YRDC: variants seen among roughly 807,000 people sequenced by gnomAD.
The protein encoded by YRDC is yrdC N6-threonylcarbamoyltransferase domain containing.
A neutral mutation model predicts 21.5 loss-of-function variants in YRDC; 17 were observed. The ratio of observed to expected loss-of-function variants is 0.79; its 90% CI spans 0.54 to 1.19. The LOEUF (loss-of-function observed/expected upper bound fraction) is 1.19, where lower values mean the gene tolerates loss of function less well. Among genes scored for constraint, YRDC ranks in the 50% most tolerant of loss-of-function variants. The pLI is 0.00. For synonymous variants in YRDC, 193 were observed against 176.7 expected, an observed-to-expected ratio of 1.09 and a Z score of -0.73; for missense variants, 380 against 397.1, an observed-to-expected ratio of 0.96 and a Z score of 0.37.
Position 37,804,286 on chromosome 1 carries a change from C to A in YRDC, c.767+16G>T, listed in dbSNP as rs541063284. ...TCCCTCAAATTATTTCCCCACACCA[C>A]AGGAAAGAGACTTACCAGCCTGGAC... On this transcript the variant is annotated intron_variant, in intron 4 of 4. Transcript: ENST00000373044. The A allele has an allele frequency of 6.2e-7, 1 of 1,609,376 alleles. No homozygotes were observed. The highest frequency in any genetic ancestry group is 1.3e-5 in the African/African-American group (1 of 74,874).
chr1:37,807,659 A>C, intron 1 of YRDC, 133 bp downstream of exon 1: 1 of 1,340,362 alleles, frequency 7.5e-7, no homozygotes, highest in Non-Finnish European at 9.6e-7. Flanking sequence ...CTCGGTACAT[A>C]TTTCCAGTTC....
At chr1:37,807,263 G>A (rs750731975) in intron 1 of YRDC, 48 bp from the exon 2 acceptor site, 1 of 1,550,276 alleles carries the variant, frequency 6.5e-7, no homozygotes, top group African/African-American at 1.4e-5. Flanking sequence ...AGGGCCACTG[G>A]TGGTCCTTTC....
chr1:37,806,759 C>G (rs978493014), intron 3 of YRDC, 98 bp downstream of exon 3: 2 of 1,564,544 alleles, frequency 1.3e-6, no homozygotes, highest in Non-Finnish European at 1.7e-6. Context: ...CAAGAACTCT[C>G]ATGCCTGGCC....
At chr1:37,806,247 C>G (rs960203918) in intron 3 of YRDC, among the ~76,000 whole-genome samples, 1 of 151,842 alleles carries the variant, frequency 6.6e-6, no homozygotes, top group Non-Finnish European at 1.5e-5. Context: ...AGAGCCCTGC[C>G]TGGAGTACAG....
Position 37,803,248 on chromosome 1 carries a change from C to T in YRDC, c.*677G>A, listed in dbSNP as rs1396382336. On this transcript the variant is annotated 3_prime_UTR_variant, in exon 5 of 5. Transcript: ENST00000373044. ...TACACCAAAAAGACTGCTCTCCCTG[C>T]GAGCAATTACAATACATGACACCAC... The T allele has an allele frequency of 6.6e-6, 1 of 152,214 alleles. No individual in the cohort carries two copies. Among genetic ancestry groups the T allele is most frequent in the African/African-American group, 2.4e-5 (1 of 41,436 alleles). 9.4% of individuals were successfully genotyped at this position (152,214 alleles called of 1,614,324 possible).
In YRDC at chr1:37,808,052, G is replaced by A. The variant is rs902782962; in HGVS notation, c.129C>T (p.Pro43=). Residue 43 remains proline (P), a synonymous_variant, in exon 1 of 5, where the codon CCC becomes CCT. Transcript: ENST00000373044. ...CCGGGAGCCGCAACAGCCGGGCGCC[G>A]GGGGCCGCCGGAGCGGGACTCGGCG... ...FRPPSPAPAA[P]GARLLRLPGS... The A allele has an allele frequency of 1.4e-5, 19 of 1,316,440 alleles. No individual in the cohort carries two copies. The highest frequency in any genetic ancestry group is 1.7e-5 in the Non-Finnish European group (18 of 1,037,386). 81.5% of individuals were successfully genotyped at this position (1,316,440 alleles called of 1,614,324 possible).
rs772276972 is a variant in YRDC, at chr1:37,804,019, T to TA, written c.768-23dup. The TA allele has an allele frequency of 3.7e-6, 6 of 1,613,894 alleles. 1 individual carries two copies. In the South Asian group the frequency reaches 6.6e-5, roughly 18 times the overall value. On this transcript the variant is annotated intron_variant, in intron 4 of 4. Transcript: ENST00000373044. Reference sequence around the variant, plus strand: ...GGCACTGAGGAGGAAACAGGACAGTTACCAGTCTGACTTCTCAGAAGTCCC... The same window carrying TA: ...GGCACTGAGGAGGAAACAGGACAGTTAACCAGTCTGACTTCTCAGAAGTCCC...
At chr1:37,804,602 A>C (rs1291008509) in intron 3 of YRDC, among the ~76,000 whole-genome samples, 158 bp from the exon 4 acceptor site, 2 of 152,232 alleles carry the variant, frequency 1.3e-5, no homozygotes, top group Non-Finnish European at 2.9e-5. Flanking sequence ...AACTGTGCCA[A>C]AGACACTGTA....
Position 37,804,403 on chromosome 1 carries a change from A to G in YRDC, c.666T>C (p.Asp222=). 1.9e-6 allele frequency: 3 copies of G among 1,614,122 alleles called. No individual in the cohort carries two copies. Among genetic ancestry groups the G allele is most frequent in the Non-Finnish European group, 2.5e-6 (3 of 1,179,970 alleles). Residue 222 remains aspartate, a synonymous_variant, in exon 4 of 5, where the codon GAT becomes GAC. Transcript: ENST00000373044. ...DLWPQLSLVI[D]GGQIGDGQSP... The stretch of plus-strand genomic sequence containing the variant: ...TCTGGCCATCCCCAATTTGTCCCCC[A>G]TCAATAACCAAGGACAACTGAGGCC...
rs777594369 is a variant in YRDC, at chr1:37,807,291, G to T, written c.390-76C>A. On this transcript the variant is annotated intron_variant, in intron 1 of 4. Coordinates refer to ENST00000373044, the MANE Select transcript of YRDC (RefSeq NM_024640.4). ...GTCCTTTCCTAGACTCTAGGCAGAC[G>T]TAGAAAAGGAATCCTTCGAGTTTAC... 5 of 1,341,966 alleles carry T rather than the reference G, an allele frequency of 3.7e-6. No homozygotes were observed. The African/African-American group carries it at 7.3e-5, about 19-fold the overall frequency. 83.1% of individuals were successfully genotyped at this position (1,341,966 alleles called of 1,614,324 possible).
intron 1 of YRDC, 196 bp downstream of exon 1, chr1:37,807,596 T>C (rs1207404735): frequency 2.9e-6 from 3 of 1,047,420 alleles, no homozygotes; most frequent in African/African-American, 1.6e-5. Context: ...GCCTTTCTCG[T>C]GTGTTGCTGC....
chr1:37,803,929 A>C lies in YRDC; in HGVS notation c.836T>G (p.Leu279Arg), dbSNP rs1646717887. The part of the protein sequence containing the change: ...YGLLPSHASY[L>R] ...GCCTTCCTGCTTCCCAGAGTTTCACAGGTAGGACGCATGTGAGGGGAGCAG... is the reference window on the plus strand; with the variant it reads ...GCCTTCCTGCTTCCCAGAGTTTCACCGGTAGGACGCATGTGAGGGGAGCAG... Residue 279 changes from leucine (L) to arginine (R), a missense_variant, in exon 5 of 5, where the codon CTG becomes CGG. Leu to Arg is a moderately radical substitution (Grantham distance 102). Coordinates refer to ENST00000373044, the MANE Select transcript of YRDC (RefSeq NM_024640.4). 6.2e-7 allele frequency: 1 copy of C among 1,614,092 alleles called. No individual in the cohort carries two copies. The highest frequency in any genetic ancestry group is 1.3e-5 in the African/African-American group (1 of 75,034).
Position 37,804,438 on chromosome 1 carries a change from G to C in YRDC, c.631C>G (p.Gln211Glu). The change falls in exon 4 of 5, where the codon CAG becomes GAG. Residue 211 changes from glutamine to glutamate, a missense_variant. Gln to Glu is a conservative substitution (Grantham distance 29). Transcript: ENST00000373044. Reference sequence around the variant, plus strand: ...AAGGACAACTGAGGCCAGAGATCCTGGAACTCCTGAGAAGAGGGAGAAGGA... The same window carrying C: ...AAGGACAACTGAGGCCAGAGATCCTCGAACTCCTGAGAAGAGGGAGAAGGA... ...QASSLNVEEF[Q>E]DLWPQLSLVI... is the part of the protein sequence containing the mutation. 2 of 1,612,294 alleles carry C rather than the reference G, an allele frequency of 1.2e-6. No individual in the cohort carries two copies. The highest frequency in any genetic ancestry group is 1.7e-6 in the Non-Finnish European group (2 of 1,178,660).
In YRDC at chr1:37,808,156, C is replaced by A; in HGVS notation, c.25G>T (p.Gly9Trp). The A allele has an allele frequency of 1.4e-6, 2 of 1,466,352 alleles. No individual in the cohort carries two copies. The highest frequency in any genetic ancestry group is 1.8e-6 in the Non-Finnish European group (2 of 1,114,930). The allele number at this position is 1,466,352 out of a possible 1,614,324, so 90.8% of individuals were successfully genotyped here. A position where few individuals can be genotyped will look rare whatever the true frequency, so the allele number is the denominator to read the frequency against. MSPARRCR[G>W]MRAAVAASVG... ...CTGGCAGCCACCGCGGCCCTCATCC[C>A]CCTGCACCGACGCGCCGGAGACATC... The change falls in exon 1 of 5, where the codon GGG (glycine) becomes TGG (tryptophan). Residue 9 changes from glycine to tryptophan, a missense_variant. Physicochemically the swap from Gly to Trp is radical, Grantham distance 184. This residue lies in a region of YRDC where 91 missense variants were observed against 64.7 expected (regional missense o/e 1.41). Coordinates refer to ENST00000373044, the MANE Select transcript of YRDC (RefSeq NM_024640.4).
chr1:37,804,076 C>A, intron 4 of YRDC, 79 bp from the exon 5 acceptor site: 2 of 1,558,022 alleles, frequency 1.3e-6, no homozygotes, highest in South Asian at 1.1e-5. Flanking sequence ...GCAGGGACAT[C>A]GAAACTGGCT....
chr1:37,807,546 T>A, intron 1 of YRDC: 3 of 733,348 alleles, frequency 4.1e-6, no homozygotes, highest in Non-Finnish European at 6.3e-6. Context: ...CCCGGGGGCC[T>A]CCCCAATTAG....
rs956536187 is a variant in YRDC, at chr1:37,803,712, G to A, written c.*213C>T. On this transcript the variant is annotated 3_prime_UTR_variant, in exon 5 of 5. Coordinates refer to ENST00000373044, the MANE Select transcript of YRDC (RefSeq NM_024640.4). ...TCCATTCAGCTTTTGGCTGATATAT[G>A]AAAATACAAATAAATACATCCTTTC... 6 of 517,792 alleles carry A rather than the reference G, an allele frequency of 1.2e-5. No individual in the cohort carries two copies. The highest frequency in any genetic ancestry group is 2.0e-5 in the Non-Finnish European group (6 of 294,642). The allele number at this position is 517,792 out of a possible 1,614,324, so 32.1% of individuals were successfully genotyped here.
chr1:37,807,742 A>C (rs1569827471), intron 1 of YRDC, 50 bp downstream of exon 1: 2 of 1,416,920 alleles, frequency 1.4e-6, no homozygotes, highest in Non-Finnish European at 1.8e-6. Flanking sequence ...GTCACCGGAA[A>C]CCCCTCCCGC....
chr1:37,807,649 C>T, intron 1 of YRDC, 143 bp downstream of exon 1: 1 of 1,345,360 alleles, frequency 7.4e-7, no homozygotes, highest in South Asian at 1.7e-5. Flanking sequence ...ACGTTAAGTC[C>T]TCGGTACATA....
Sources: gnomAD v4.1 joint callset for allele counts (sites outside exome capture counted in the v4.1 genomes callset) on GRCh38, gnomAD v4.1.1 for gene constraint, gnomAD v4.1.1 regional missense constraint, MANE v1.5 for transcripts, NCBI Gene and HGNC (gene_info 2026-07-23, HGNC 2026-07-21) for gene names.